Variants in FBXO4 observed in about 807,000 individuals in gnomAD.
The protein encoded by FBXO4 is F-box only protein 4.
In FBXO4, 36 loss-of-function variants were observed where a neutral mutation model predicts 43.7. The observed-to-expected ratio is 0.82, with a 90% CI of 0.63 to 1.09. The LOEUF (loss-of-function observed/expected upper bound fraction) is 1.09, where lower values mean the gene tolerates loss of function less well. Among genes scored for constraint, FBXO4 ranks in the 50% least tolerant of loss-of-function variants. The pLI is 0.00. For missense variants in FBXO4, 435 were observed against 474.1 expected, an observed-to-expected ratio of 0.92 and a Z score of 0.77; for synonymous variants, 180 against 165.6, an observed-to-expected ratio of 1.09 and a Z score of -0.67.
chr5:41,970,237 A>T, the FBXO4 span, among the ~76,000 whole-genome samples: 2 of 152,082 alleles, frequency 1.3e-5, no homozygotes, highest in East Asian at 3.8e-4. Context: ...GAAATTGAAA[A>T]ATGCTAAACC....
the FBXO4 span, among the ~76,000 whole-genome samples, chr5:42,037,514 A>G: frequency 3.3e-5 from 5 of 152,078 alleles, no homozygotes; most frequent in Non-Finnish European, 4.4e-5. Context: ...ATTAATCATT[A>G]GGTCAGCTTG....
intron 5 of FBXO4, chr5:41,934,663 A>AT (rs894021185): frequency 3.5e-5 from 38 of 1,087,684 alleles, no homozygotes; most frequent in African/African-American, 1.3e-4. Context: ...ATGCTTCTGC[A>AT]TTTTTTTGAT....
intron 6 of FBXO4, among the ~76,000 whole-genome samples, chr5:41,940,373 T>G (rs776683214): frequency 2.6e-5 from 4 of 152,154 alleles, no homozygotes; most frequent in Non-Finnish European, 5.9e-5. Flanking sequence ...GTGATTCTCA[T>G]GCCTCAGCCT....
chr5:42,031,465 G>A, the FBXO4 span, among the ~76,000 whole-genome samples: 4 of 147,238 alleles, frequency 2.7e-5, no homozygotes, highest in African/African-American at 5.0e-5. Context: ...GTTGTGGAGT[G>A]GGGGGAGGGG....
chr5:42,008,924 A>G, the FBXO4 span, among the ~76,000 whole-genome samples: 2 of 152,126 alleles, frequency 1.3e-5, no homozygotes, highest in African/African-American at 4.8e-5. Flanking sequence ...ATCACCATCT[A>G]TTGCCCAGAG....
the FBXO4 span, among the ~76,000 whole-genome samples, chr5:41,990,906 A>T: frequency 6.6e-6 from 1 of 152,168 alleles, no homozygotes; most frequent in Admixed American, 6.5e-5. Flanking sequence ...CCACCACTGA[A>T]TAAAACTCCT....
the FBXO4 span, among the ~76,000 whole-genome samples, chr5:42,022,480 A>C: frequency 6.6e-6 from 1 of 152,154 alleles, no homozygotes; most frequent in African/African-American, 2.4e-5. Flanking sequence ...AACAATAGTT[A>C]CACTGAGTTT....
the FBXO4 span, among the ~76,000 whole-genome samples, chr5:41,994,942 T>C: frequency 6.6e-6 from 1 of 152,152 alleles, no homozygotes; most frequent in Non-Finnish European, 1.5e-5. Context: ...CCATGAATCC[T>C]GGCCATGGAA....
chr5:41,954,451 T>C, the FBXO4 span, among the ~76,000 whole-genome samples: 1 of 152,228 alleles, frequency 6.6e-6, no homozygotes, highest in Non-Finnish European at 1.5e-5. Flanking sequence ...TAAGTTGCTT[T>C]GCCATCAGAC....
the FBXO4 span, chr5:41,967,488 T>C: frequency 1.5e-6 from 1 of 664,630 alleles, no homozygotes; most frequent in Non-Finnish European, 2.8e-6. Flanking sequence ...TCTTTGGGGG[T>C]ATATCAATGA....
chr5:42,006,550 C>G, the FBXO4 span, among the ~76,000 whole-genome samples: 1 of 151,550 alleles, frequency 6.6e-6, no homozygotes, highest in African/African-American at 2.4e-5. Flanking sequence ...AAAAGTACAG[C>G]GAAAAATTAC....
rs74751845 is a variant in FBXO4, at chr5:41,938,984, G to A, written c.899-457G>A. Among the ~76,000 whole-genome samples, 432 of 152,288 alleles carry A rather than the reference G, an allele frequency of 2.8e-3. 2 individuals are homozygous for A. The highest frequency in any genetic ancestry group is 9.8e-3 in the African/African-American group (408 of 41,556). ...TTACCTGTCTTTCTTAAAGTCAACC[G>A]TGTCTTAAAGCCTAATCATGGGAGT... On this transcript the variant is annotated intron_variant, in intron 5 of 6. Transcript: ENST00000281623.
chr5:41,930,809 T>G lies in FBXO4; in HGVS notation c.646+892T>G, dbSNP rs796884790. Among the ~76,000 whole-genome samples the G allele has an allele frequency of 1.3e-4, 20 of 151,998 alleles. No individual in the cohort carries two copies. In the East Asian group the frequency reaches 3.5e-3, roughly 27 times the overall value. On this transcript the variant is annotated intron_variant, in intron 3 of 6. Transcript: ENST00000281623. ...AGCTGGGACTACAGGCGCCCACCAC[T>G]ACGCCTGGCTAATTTTTTTGGTATT...
the FBXO4 span, among the ~76,000 whole-genome samples, chr5:41,996,733 G>T: frequency 6.6e-6 from 1 of 151,996 alleles, no homozygotes; most frequent in Non-Finnish European, 1.5e-5. Flanking sequence ...GTTTTCTCTT[G>T]GTTGTAGGGG....
At chr5:41,951,709 TG>T in the FBXO4 span, 1 of 218,366 alleles carries the variant, frequency 4.6e-6, no homozygotes, top group Non-Finnish European at 9.1e-6. Flanking sequence ...TGCTGTTGCA[TG>T]GGGTGGCAAT....
chr5:41,946,600 A>C (rs1340849107), downstream of FBXO4, among the ~76,000 whole-genome samples: 2 of 152,230 alleles, frequency 1.3e-5, no homozygotes, highest in Non-Finnish European at 2.9e-5. Flanking sequence ...AGCAAGCTTA[A>C]ACAATTTTAC....
the FBXO4 span, among the ~76,000 whole-genome samples, chr5:42,029,997 G>T: frequency 1.3e-5 from 2 of 151,728 alleles, no homozygotes; most frequent in Admixed American, 6.6e-5. Context: ...CTCATGGGTG[G>T]GAAGAATCAA....
chr5:41,956,712 CT>C, the FBXO4 span, among the ~76,000 whole-genome samples: 1,155 of 126,638 alleles, frequency 9.1e-3, 7 homozygotes, highest in African/African-American at 0.022. Flanking sequence ...TTTTCTTCTT[CT>C]TTTTTTTTTT....
At chr5:41,947,613 A>G in the FBXO4 span, among the ~76,000 whole-genome samples, 1 of 152,242 alleles carries the variant, frequency 6.6e-6, no homozygotes, top group Non-Finnish European at 1.5e-5. Context: ...TCATCAGCCT[A>G]GTATAGGCTA....
Sources: allele counts gnomAD v4.1 joint callset (sites outside exome capture counted in the v4.1 genomes callset), GRCh38; gene constraint gnomAD v4.1.1; transcripts MANE v1.5; gene names NCBI Gene and HGNC (gene_info 2026-07-23, HGNC 2026-07-21).